The following DNAI4 variants were observed in gnomAD, a reference collection of about 807,000 sequenced individuals.
DNAI4 encodes dynein axonemal intermediate chain 4, also known as WD repeat domain 78.
In DNAI4, 85 loss-of-function variants were observed where a neutral mutation model predicts 105.8. The ratio of observed to expected loss-of-function variants is 0.80; its 90% CI spans 0.67 to 0.96. DNAI4 has a LOEUF of 0.96. Ranked by LOEUF, DNAI4 falls within the 40% of genes least tolerant of loss-of-function variation. The probability of loss-of-function intolerance (pLI) is 0.00; values close to 1 mark genes in which losing one functional copy is unlikely to be tolerated. For missense variants in DNAI4, 1,014 were observed against 1,005.6 expected, an observed-to-expected ratio of 1.01 and a Z score of -0.11; for synonymous variants, 352 against 331.5, an observed-to-expected ratio of 1.06 and a Z score of -0.67.
chr1:66,851,805 A>T (rs1429096421), intron 7 of DNAI4, among the ~76,000 whole-genome samples: 1 of 152,044 alleles, frequency 6.6e-6, no homozygotes, highest in Non-Finnish European at 1.5e-5. Context: ...AATTTACAGC[A>T]TTAAATGTAT....
intron 11 of DNAI4, among the ~76,000 whole-genome samples, chr1:66,834,413 A>G (rs949102778): frequency 1.3e-5 from 2 of 152,076 alleles, no homozygotes; most frequent in Non-Finnish European, 2.9e-5. Flanking sequence ...TCATAACAGG[A>G]ATACAAAAGC....
At chr1:66,882,903 C>T (rs1431195996) in intron 4 of DNAI4, among the ~76,000 whole-genome samples, 2 of 152,048 alleles carry the variant, frequency 1.3e-5, no homozygotes, top group African/African-American at 4.8e-5. Context: ...CTTTACAATA[C>T]TGAATGTTCC....
At chr1:66,856,080 C>T (rs1569582836) in intron 7 of DNAI4, among the ~76,000 whole-genome samples, 1 of 151,940 alleles carries the variant, frequency 6.6e-6, no homozygotes, top group African/African-American at 2.4e-5. Context: ...AGGTGATCCG[C>T]CTGTCTCGGC....
At chr1:66,913,096 T>C (rs986243055) in intron 1 of DNAI4, among the ~76,000 whole-genome samples, 1 of 152,050 alleles carries the variant, frequency 6.6e-6, no homozygotes, top group African/African-American at 2.4e-5. Context: ...AAATGAGGGT[T>C]TTTTGGTTTG....
chr1:66,921,515 T>C (rs1650477742), intron 1 of DNAI4: 1 of 152,242 alleles, frequency 6.6e-6, no homozygotes, highest in Admixed American at 6.5e-5. Flanking sequence ...GTGAAGGTTA[T>C]ACTACTTCCC....
chr1:66,891,128 G>A (rs1020368994), intron 4 of DNAI4, 26 bp downstream of exon 4: 1 of 1,496,752 alleles, frequency 6.7e-7, no homozygotes, highest in South Asian at 1.1e-5. Context: ...GACTGTTACT[G>A]AAATAAACAA....
At chr1:66,924,621 T>G in intron 1 of DNAI4, 41 bp downstream of exon 1, 1 of 1,613,782 alleles carries the variant, frequency 6.2e-7, no homozygotes, top group Non-Finnish European at 8.5e-7. Context: ...TCCCTCCGGG[T>G]CCCAGGGGGA....
At chr1:66,841,197 G>C (rs1243387010) in intron 8 of DNAI4, among the ~76,000 whole-genome samples, 3 of 152,202 alleles carry the variant, frequency 2.0e-5, no homozygotes, top group Admixed American at 2.0e-4. Context: ...CATTTAATGT[G>C]CTAGTGTGTT....
chr1:66,833,897 G>C, intron 12 of DNAI4, 94 bp downstream of exon 12: 2 of 1,453,510 alleles, frequency 1.4e-6, no homozygotes, highest in Middle Eastern at 4.2e-4. Context: ...TTTCTTATTG[G>C]CCAAACCAAA....
intron 7 of DNAI4, among the ~76,000 whole-genome samples, chr1:66,859,599 A>G (rs1009454475): frequency 6.6e-6 from 1 of 152,224 alleles, no homozygotes; most frequent in Non-Finnish European, 1.5e-5. Context: ...CACTCATCCA[A>G]TGGAATATTA....
chr1:66,824,390 C>T (rs200574435), intron 15 of DNAI4, among the ~76,000 whole-genome samples: 8,285 of 152,012 alleles, frequency 0.055, 288 homozygotes, highest in South Asian at 0.094. Flanking sequence ...CTTGGCGATG[C>T]GGGCTCTTTT....
chr1:66,918,642 G>A (rs568274407), intron 1 of DNAI4, among the ~76,000 whole-genome samples: 13 of 151,792 alleles, frequency 8.6e-5, no homozygotes, highest in South Asian at 2.1e-4. Context: ...CCTTCCTCCC[G>A]TTTCCTCTTC....
intron 16 of DNAI4, among the ~76,000 whole-genome samples, chr1:66,820,870 T>C (rs1364874616): frequency 1.3e-5 from 2 of 152,070 alleles, no homozygotes; most frequent in Non-Finnish European, 2.9e-5. Flanking sequence ...CTCTACCTCC[T>C]ACATGTGACC....
At chr1:66,836,220 G>GAGAGAGAA (rs1646000273) in intron 10 of DNAI4, among the ~76,000 whole-genome samples, 2 of 89,442 alleles carry the variant, frequency 2.2e-5, no homozygotes, top group South Asian at 4.0e-4. Context: ...GAGAGAGAGA[G>GAGAGAGAA]AGAGAGAGAG....
chr1:66,906,524 T>C (rs1649262199), intron 1 of DNAI4, among the ~76,000 whole-genome samples: 1 of 152,202 alleles, frequency 6.6e-6, no homozygotes. Context: ...CTTCATAGCA[T>C]TTATCGTTAC....
intron 4 of DNAI4, among the ~76,000 whole-genome samples, chr1:66,880,062 A>C (rs1647036106): frequency 6.6e-6 from 1 of 152,064 alleles, no homozygotes; most frequent in Non-Finnish European, 1.5e-5. Context: ...GTTTCCCTGC[A>C]CAAGCTCTCT....
intron 7 of DNAI4, among the ~76,000 whole-genome samples, chr1:66,854,286 G>A (rs552440858): frequency 6.6e-6 from 1 of 152,132 alleles, no homozygotes; most frequent in Non-Finnish European, 1.5e-5. Flanking sequence ...AGCTACTTGG[G>A]AGGCTGAGGT....
intron 1 of DNAI4, among the ~76,000 whole-genome samples, chr1:66,915,679 A>G (rs1001927492): frequency 2.0e-5 from 3 of 152,216 alleles, no homozygotes; most frequent in Non-Finnish European, 2.9e-5. Context: ...AAAACGGTGA[A>G]CAAGTTTTGT....
At chr1:66,836,821 G>A (rs1646036279) in intron 10 of DNAI4, among the ~76,000 whole-genome samples, 2 of 152,218 alleles carry the variant, frequency 1.3e-5, no homozygotes, top group South Asian at 4.2e-4. Context: ...ATTTTTATAT[G>A]CTCTTCTGAC....
Sources: gnomAD v4.1 joint callset for allele counts (sites outside exome capture counted in the v4.1 genomes callset) on GRCh38, gnomAD v4.1.1 for gene constraint, MANE v1.5 for transcripts, NCBI Gene and HGNC (gene_info 2026-07-23, HGNC 2026-07-21) for gene names.